Variants in NRXN3 observed in about 807,000 individuals in gnomAD.
The protein encoded by NRXN3 is neurexin 3, also known as neurexin III.
Under a neutral mutation model 137.6 loss-of-function variants are expected in NRXN3, and 32 were observed. The ratio of observed to expected loss-of-function variants is 0.23; its 90% CI spans 0.18 to 0.31. The LOEUF is 0.31. Ranked by LOEUF, NRXN3 falls within the 10% of genes least tolerant of loss-of-function variation. The pLI is 1.00. For missense variants in NRXN3, 1,574 were observed against 2,062.5 expected, an observed-to-expected ratio of 0.76 and a Z score of 4.59; for synonymous variants, 798 against 784.5, an observed-to-expected ratio of 1.02 and a Z score of -0.29.
At chr14:78,234,701 C>T (rs1434459936) in intron 1 of NRXN3, among the ~76,000 whole-genome samples, 1 of 152,158 alleles carries the variant, frequency 6.6e-6, no homozygotes, top group Non-Finnish European at 1.5e-5. Flanking sequence ...TATTTAGGCT[C>T]ATGTCTTTCC....
chr14:78,394,566 T>A (rs1208017714), intron 4 of NRXN3, among the ~76,000 whole-genome samples: 1 of 151,884 alleles, frequency 6.6e-6, no homozygotes, highest in Admixed American at 6.6e-5. Context: ...CATTTTGGTA[T>A]CACGATAATA....
intron 8 of NRXN3, among the ~76,000 whole-genome samples, chr14:78,785,214 C>G (rs1202040548): frequency 6.6e-6 from 1 of 152,094 alleles, no homozygotes; most frequent in Admixed American, 6.6e-5. Flanking sequence ...TTTATTTTTA[C>G]TGGAAATTGT....
intron 15 of NRXN3, among the ~76,000 whole-genome samples, chr14:79,115,837 C>T (rs1417629517): frequency 6.6e-6 from 1 of 152,192 alleles, no homozygotes; most frequent in Non-Finnish European, 1.5e-5. Context: ...ATGATTGTTA[C>T]TGGTACTCAT....
chr14:79,550,667 G>A lies in NRXN3; in HGVS notation c.3444+83265G>A, dbSNP rs2097364853. On this transcript the variant is annotated intron_variant, in intron 16 of 20. Coordinates refer to ENST00000335750, the MANE Select transcript of NRXN3 (RefSeq NM_001330195.2). The stretch of plus-strand genomic sequence containing the variant: ...AGGAAAGTCAGAAAGGCCAGCCAAG[G>A]AAGGAAGATGCTGGCAAGACTCGGA... Among the ~76,000 whole-genome samples, 2 of 152,120 alleles carry A rather than the reference G, an allele frequency of 1.3e-5. 1 individual carries two copies. The highest frequency in any genetic ancestry group is 1.3e-4 in the Admixed American group (2 of 15,270).
chr14:79,118,481 C>A (rs1423565446), intron 15 of NRXN3, among the ~76,000 whole-genome samples: 1 of 151,992 alleles, frequency 6.6e-6, no homozygotes, highest in Non-Finnish European at 1.5e-5. Context: ...ACTTTTTTTT[C>A]TTTTGCCTTT....
At chr14:78,246,148 T>G (rs1335575220) in intron 2 of NRXN3, among the ~76,000 whole-genome samples, 2 of 152,222 alleles carry the variant, frequency 1.3e-5, no homozygotes. Context: ...TGATTATCCC[T>G]GATTGCATTT....
intron 19 of NRXN3, among the ~76,000 whole-genome samples, chr14:79,722,833 A>T (rs769160839): frequency 3.9e-5 from 6 of 152,166 alleles, no homozygotes; most frequent in Non-Finnish European, 7.4e-5. Context: ...AGAATGATAA[A>T]TGGTAGATGG....
chr14:79,047,887 A>G (rs1386448163), intron 15 of NRXN3, among the ~76,000 whole-genome samples: 1 of 152,176 alleles, frequency 6.6e-6, no homozygotes, highest in Non-Finnish European at 1.5e-5. Flanking sequence ...ATATAGTTAA[A>G]CATAAATCTA....
At chr14:79,034,824 T>G (rs1298035757) in intron 15 of NRXN3, among the ~76,000 whole-genome samples, 1 of 152,084 alleles carries the variant, frequency 6.6e-6, no homozygotes, top group African/African-American at 2.4e-5. Flanking sequence ...TAAAATTGAG[T>G]TTTATACAAC....
chr14:78,633,251 CA>C (rs779442429), intron 4 of NRXN3, among the ~76,000 whole-genome samples: 1,000 of 68,032 alleles, frequency 0.015, 26 homozygotes, highest in African/African-American at 0.038. Context: ...GAGACTCTGT[CA>C]AAAAAAAAAA....
intron 4 of NRXN3, among the ~76,000 whole-genome samples, chr14:78,481,258 GT>G (rs1225612771): frequency 6.6e-6 from 1 of 152,194 alleles, no homozygotes; most frequent in Non-Finnish European, 1.5e-5. Flanking sequence ...GGGGAACGCT[GT>G]GCAAAATGAG....
chr14:79,366,217 C>T (rs2093887525), intron 15 of NRXN3, among the ~76,000 whole-genome samples: 2 of 152,068 alleles, frequency 1.3e-5, no homozygotes. Flanking sequence ...GTATGGTATA[C>T]ATGTGATATT....
Position 78,182,726 on chromosome 14 carries a change from C to T in NRXN3, c.-704+12052C>T, listed in dbSNP as rs145864559. 5.4e-3 allele frequency among the ~76,000 whole-genome samples: 818 copies of T among 152,280 alleles called. 9 individuals are homozygous for T. The highest frequency in any genetic ancestry group is 0.019 in the African/African-American group (770 of 41,548). On this transcript the variant is annotated intron_variant, in intron 1 of 20. Transcript: ENST00000335750. ...CCTCAGATGATCCACCTGCCTCGGC[C>T]TCCCAAAGTGCTGGGATTACAAGTG...
intron 2 of NRXN3, among the ~76,000 whole-genome samples, chr14:78,246,155 A>C (rs1277165507): frequency 6.6e-6 from 1 of 152,130 alleles, no homozygotes; most frequent in Non-Finnish European, 1.5e-5. Flanking sequence ...CCCTGATTGC[A>C]TTTTTGTGTT....
intron 16 of NRXN3, among the ~76,000 whole-genome samples, chr14:79,557,064 A>G (rs1183382550): frequency 3.3e-5 from 5 of 151,982 alleles, no homozygotes; most frequent in African/African-American, 1.2e-4. Flanking sequence ...TTGGACCTTA[A>G]GATATATTCA....
intron 4 of NRXN3, among the ~76,000 whole-genome samples, chr14:78,405,311 T>C (rs916340913): frequency 2.0e-5 from 3 of 152,016 alleles, no homozygotes; most frequent in Non-Finnish European, 4.4e-5. Flanking sequence ...CCTTTGGAGG[T>C]GATAAAGCAG....
chr14:79,091,272 G>A (rs997565784), intron 15 of NRXN3, among the ~76,000 whole-genome samples: 2 of 152,254 alleles, frequency 1.3e-5, no homozygotes, highest in Admixed American at 6.5e-5. Context: ...AGAAAGCTAA[G>A]AGTATTCTAT....
chr14:78,973,277 C>G (rs1460635118), intron 14 of NRXN3, among the ~76,000 whole-genome samples: 2 of 152,038 alleles, frequency 1.3e-5, no homozygotes, highest in East Asian at 3.9e-4. Flanking sequence ...ATTCACCATA[C>G]ATAGAAAAAA....
At chr14:79,833,315 G>GATAACT (rs1191425194) in intron 20 of NRXN3, among the ~76,000 whole-genome samples, 1 of 152,074 alleles carries the variant, frequency 6.6e-6, no homozygotes, top group African/African-American at 2.4e-5. Context: ...TATTAACTCA[G>GATAACT]ATAACTAGAG....
Sources: allele counts gnomAD v4.1 joint callset (sites outside exome capture counted in the v4.1 genomes callset), GRCh38; gene constraint gnomAD v4.1.1; transcripts MANE v1.5; gene names NCBI Gene and HGNC (gene_info 2026-07-23, HGNC 2026-07-21).